PDE7B: variants seen among roughly 807,000 people sequenced by gnomAD.
PDE7B encodes 3',5'-cyclic-AMP phosphodiesterase 7B.
In PDE7B, 29 loss-of-function variants were observed where a neutral mutation model predicts 56.2. The observed-to-expected ratio is 0.52, with a 90% CI of 0.38 to 0.70. The LOEUF (loss-of-function observed/expected upper bound fraction) is 0.70, where lower values mean the gene tolerates loss of function less well. PDE7B is among the 30% of genes least tolerant of loss of function. PDE7B has a pLI of 0.00. For missense variants in PDE7B, 490 were observed against 565.0 expected (o/e 0.87, Z 1.35); for synonymous variants, 197 against 196.9 (o/e 1.00, Z 0.00).
chr6:136,083,591 A>G (rs1051857700), intron 2 of PDE7B, among the ~76,000 whole-genome samples: 3 of 152,170 alleles, frequency 2.0e-5, no homozygotes, highest in African/African-American at 2.4e-5. Flanking sequence ...CTTCCCAGCC[A>G]CATTTGAAAG....
intron 2 of PDE7B, among the ~76,000 whole-genome samples, chr6:136,040,206 C>T (rs1449477446): frequency 6.6e-6 from 1 of 152,172 alleles, no homozygotes; most frequent in Non-Finnish European, 1.5e-5. Flanking sequence ...AGGGAAGCTG[C>T]ACCCTGGTCT....
intron 3 of PDE7B, among the ~76,000 whole-genome samples, chr6:136,110,272 G>A (rs916764386): frequency 6.6e-6 from 1 of 152,138 alleles, no homozygotes; most frequent in Non-Finnish European, 1.5e-5. Context: ...AGCTCTATTG[G>A]TCTCTCTGAC....
intron 3 of PDE7B, among the ~76,000 whole-genome samples, chr6:136,111,476 C>G (rs1056501342): frequency 2.0e-4 from 30 of 152,180 alleles, no homozygotes; most frequent in African/African-American, 6.3e-4. Context: ...TGAGTTGAAA[C>G]TAGAACAGAT....
intron 2 of PDE7B, among the ~76,000 whole-genome samples, chr6:136,086,058 T>A (rs2128215621): frequency 6.6e-6 from 1 of 152,360 alleles, no homozygotes; most frequent in South Asian, 2.1e-4. Context: ...CATAGGTATT[T>A]TTAACCTTTG....
intron 2 of PDE7B, among the ~76,000 whole-genome samples, chr6:135,952,234 GATA>G (rs1303356765): frequency 6.6e-6 from 1 of 152,006 alleles, no homozygotes; most frequent in Non-Finnish European, 1.5e-5. Context: ...TGTAAAAATT[GATA>G]ATAAGCAAAT....
At chr6:135,869,496 T>C (rs1775332669) in intron 1 of PDE7B, among the ~76,000 whole-genome samples, 1 of 152,130 alleles carries the variant, frequency 6.6e-6, no homozygotes. Flanking sequence ...CATTCAACCA[T>C]CAGGTATTTG....
intron 2 of PDE7B, among the ~76,000 whole-genome samples, chr6:136,079,743 A>G (rs1777177590): frequency 6.6e-6 from 1 of 151,956 alleles, no homozygotes; most frequent in South Asian, 2.1e-4. Context: ...AAAAAAAAAA[A>G]AAAGACTTTC....
intron 8 of PDE7B, 111 bp downstream of exon 8, chr6:136,155,869 T>C: frequency 8.6e-7 from 1 of 1,159,380 alleles, no homozygotes; most frequent in South Asian, 1.3e-5. Context: ...TCCTAGAAGT[T>C]CAAAGACGAA....
intron 1 of PDE7B, among the ~76,000 whole-genome samples, chr6:135,905,235 A>G (rs1166847470): frequency 6.6e-6 from 1 of 152,148 alleles, no homozygotes; most frequent in Non-Finnish European, 1.5e-5. Flanking sequence ...AAGATGTTGC[A>G]TTTAGTAAAT....
chr6:135,852,333 A>T lies in PDE7B; in HGVS notation c.21+314A>T, dbSNP rs367718119. Among the ~76,000 whole-genome samples the T allele has an allele frequency of 1.7e-4, 26 of 151,936 alleles. No individual in the cohort carries two copies. In the East Asian group the frequency reaches 4.5e-3, roughly 26 times the overall value. On this transcript the variant is annotated intron_variant, in intron 1 of 12. Transcript: ENST00000308191. ...TAAAAAAAAAAATAAAGAATGCAAT[A>T]TTTTTTTTCTCCAACATAAATCTTG...
chr6:135,957,219 T>C (rs1438491779), intron 2 of PDE7B, among the ~76,000 whole-genome samples: 1 of 152,072 alleles, frequency 6.6e-6, no homozygotes, highest in Non-Finnish European at 1.5e-5. Flanking sequence ...GAAGGAAATA[T>C]GGTGTTCTGA....
intron 2 of PDE7B, among the ~76,000 whole-genome samples, chr6:136,028,677 C>T (rs1461299561): frequency 6.6e-6 from 1 of 152,226 alleles, no homozygotes; most frequent in African/African-American, 2.4e-5. Context: ...ATCTTTCTCA[C>T]ATCACATCAC....
chr6:136,093,814 G>T (rs909694567), intron 2 of PDE7B, among the ~76,000 whole-genome samples: 1 of 152,192 alleles, frequency 6.6e-6, no homozygotes, highest in Non-Finnish European at 1.5e-5. Context: ...AATGTATAAA[G>T]TGCCCCAACA....
chr6:136,175,888 T>A (rs904762555), intron 9 of PDE7B, among the ~76,000 whole-genome samples: 1 of 152,270 alleles, frequency 6.6e-6, no homozygotes, highest in South Asian at 2.1e-4. Context: ...GTATTCCAAC[T>A]GATGGATTGT....
intron 1 of PDE7B, among the ~76,000 whole-genome samples, chr6:135,867,291 C>T (rs983382450): frequency 6.6e-6 from 1 of 151,946 alleles, no homozygotes; most frequent in African/African-American, 2.4e-5. Context: ...ATTTTTGTTC[C>T]TTTTCAAAAC....
chr6:135,894,910 T>G (rs898921627), intron 1 of PDE7B, among the ~76,000 whole-genome samples: 4 of 152,144 alleles, frequency 2.6e-5, no homozygotes, highest in Admixed American at 6.5e-5. Flanking sequence ...GAGTTTTCTT[T>G]AAGGAAATTT....
In PDE7B at chr6:135,893,100, GGTACATGTGCACAAC is replaced by G. The variant is rs1775837714; in HGVS notation, c.21+41084_21+41098del. 2.0e-5 allele frequency among the ~76,000 whole-genome samples: 3 copies of G among 151,872 alleles called. No individual in the cohort carries two copies. The South Asian group carries it at 6.2e-4, about 32-fold the overall frequency. On this transcript the variant is annotated intron_variant, in intron 1 of 12. Transcript: ENST00000308191. ...TTTTTAATTATACTTTAAGTTCTAG[GGTACATGTGCACAAC>G]GTGCAGGTTTGTTACATATGTATAC...
chr6:136,043,856 C>T (rs1776453339), intron 2 of PDE7B: 1 of 152,170 alleles, frequency 6.6e-6, no homozygotes, highest in South Asian at 2.1e-4. Flanking sequence ...CTCAACCCTT[C>T]TTCAAAATCC....
intron 2 of PDE7B, among the ~76,000 whole-genome samples, chr6:136,024,364 C>A (rs9321549): frequency 1.3e-5 from 2 of 152,064 alleles, no homozygotes; most frequent in Admixed American, 6.5e-5. Context: ...TCATTGCTAG[C>A]GGAAATCTGC....
Sources: allele counts gnomAD v4.1 joint callset (sites outside exome capture counted in the v4.1 genomes callset), GRCh38; gene constraint gnomAD v4.1.1; transcripts MANE v1.5; gene names NCBI Gene and HGNC (gene_info 2026-07-23, HGNC 2026-07-21).